DPP10: variants seen among roughly 807,000 people sequenced by gnomAD.
DPP10 encodes the protein dipeptidyl peptidase like 10.
DPP10 carries 33 observed loss-of-function variants against 120.9 expected under a neutral mutation model. The ratio of observed to expected loss-of-function variants is 0.27; its 90% CI spans 0.21 to 0.37. The LOEUF (loss-of-function observed/expected upper bound fraction) is 0.37, where lower values mean the gene tolerates loss of function less well. Among genes scored for constraint, DPP10 ranks in the 10% least tolerant of loss-of-function variants. The pLI is 1.00. For synonymous variants in DPP10, 337 were observed against 326.1 expected (o/e 1.03, Z -0.36); for missense variants, 816 against 942.8 (o/e 0.87, Z 1.76).
At chr2:114,508,613 A>G (rs530841318) in intron 1 of DPP10, among the ~76,000 whole-genome samples, 2 of 152,274 alleles carry the variant, frequency 1.3e-5, no homozygotes, top group South Asian at 4.1e-4. Context: ...CAGAAAAAGG[A>G]CACTGGGTTA....
At chr2:115,064,844 T>C (rs1314867801) in intron 1 of DPP10, 2 of 1,303,306 alleles carry the variant, frequency 1.5e-6, no homozygotes, top group Non-Finnish European at 2.0e-6. Flanking sequence ...GTCTTCTTTC[T>C]AGCAGGGTTT....
At chr2:115,727,285 T>C (rs1039358226) in intron 7 of DPP10, among the ~76,000 whole-genome samples, 1 of 152,138 alleles carries the variant, frequency 6.6e-6, no homozygotes, top group Non-Finnish European at 1.5e-5. Context: ...GTTCCACTTA[T>C]CAATTCAAAG....
intron 5 of DPP10, among the ~76,000 whole-genome samples, chr2:115,547,155 T>C (rs2079552753): frequency 6.6e-6 from 1 of 152,178 alleles, no homozygotes; most frequent in Admixed American, 6.5e-5. Flanking sequence ...CTCTGGGCTC[T>C]AAGCAAGACA....
chr2:114,959,138 A>G (rs950008294), intron 1 of DPP10, among the ~76,000 whole-genome samples: 20 of 152,234 alleles, frequency 1.3e-4, no homozygotes, highest in Middle Eastern at 3.4e-3. Context: ...AGCTCACTGC[A>G]ACCTCCACCT....
intron 7 of DPP10, among the ~76,000 whole-genome samples, chr2:115,706,699 A>G (rs2092122424): frequency 6.6e-6 from 1 of 152,026 alleles, no homozygotes; most frequent in Non-Finnish European, 1.5e-5. Context: ...CAGTCTAAAC[A>G]AAAACTTAAG....
chr2:114,914,435 G>T (rs773867247), intron 1 of DPP10, among the ~76,000 whole-genome samples: 3 of 152,206 alleles, frequency 2.0e-5, no homozygotes, highest in East Asian at 1.9e-4. Flanking sequence ...TCCCAAACAA[G>T]AATTTTTTTA....
intron 1 of DPP10, among the ~76,000 whole-genome samples, chr2:115,281,820 T>C: frequency 6.6e-6 from 1 of 152,154 alleles, no homozygotes; most frequent in Non-Finnish European, 1.5e-5. Context: ...CAGAAAACTA[T>C]TGCTGTGCTT....
chr2:115,684,184 T>A (rs2090839532), intron 5 of DPP10, among the ~76,000 whole-genome samples: 1 of 151,890 alleles, frequency 6.6e-6, no homozygotes, highest in South Asian at 2.1e-4. Flanking sequence ...AATACTTGTT[T>A]TTCGATGTTC....
chr2:115,257,327 A>T (rs1025210490), intron 1 of DPP10, among the ~76,000 whole-genome samples: 1 of 151,566 alleles, frequency 6.6e-6, no homozygotes, highest in Non-Finnish European at 1.5e-5. Context: ...AGATGGGGCA[A>T]TTTATAAAGA....
At chr2:114,961,818 A>G (rs995408019) in intron 1 of DPP10, among the ~76,000 whole-genome samples, 8 of 152,060 alleles carry the variant, frequency 5.3e-5, no homozygotes, top group African/African-American at 1.9e-4. Context: ...GCCGGGCATG[A>G]TGGCGAGCAC....
At chr2:115,543,963 C>T (rs1458006851) in intron 5 of DPP10, among the ~76,000 whole-genome samples, 1 of 151,090 alleles carries the variant, frequency 6.6e-6, no homozygotes, top group East Asian at 1.9e-4. Flanking sequence ...ATTGTAACTT[C>T]AAAGGGGACA....
At chr2:115,705,625 C>G (rs2092072988) in intron 7 of DPP10, among the ~76,000 whole-genome samples, 1 of 151,888 alleles carries the variant, frequency 6.6e-6, no homozygotes, top group Non-Finnish European at 1.5e-5. Context: ...GGAGTGAAGC[C>G]AAACAATTTA....
At chr2:114,903,565 A>T (rs959679795) in intron 1 of DPP10, among the ~76,000 whole-genome samples, 4 of 152,176 alleles carry the variant, frequency 2.6e-5, no homozygotes, top group African/African-American at 4.8e-5. Flanking sequence ...TGTCCTCAAT[A>T]TCTCTTCTTT....
chr2:114,782,047 A>G (rs1217629018), intron 1 of DPP10, among the ~76,000 whole-genome samples: 1 of 152,078 alleles, frequency 6.6e-6, no homozygotes, highest in Admixed American at 6.6e-5. Context: ...CCTGGGTATT[A>G]TCCTGACTAA....
intron 1 of DPP10, among the ~76,000 whole-genome samples, chr2:114,684,681 G>C (rs1200506271): frequency 6.6e-6 from 1 of 151,920 alleles, no homozygotes; most frequent in Non-Finnish European, 1.5e-5. Context: ...GGATGAGTCT[G>C]GTATGCTTCA....
At chr2:115,617,911 C>T (rs894561600) in intron 5 of DPP10, among the ~76,000 whole-genome samples, 2 of 152,084 alleles carry the variant, frequency 1.3e-5, no homozygotes, top group Non-Finnish European at 2.9e-5. Context: ...TAACAATATA[C>T]TGTAATAAAA....
chr2:114,486,417 T>C (rs1000330671), intron 1 of DPP10, among the ~76,000 whole-genome samples: 1 of 152,206 alleles, frequency 6.6e-6, no homozygotes, highest in East Asian at 1.9e-4. Context: ...AATAATTTTT[T>C]AATAATATTT....
chr2:115,250,222 A>G (rs556824294), intron 1 of DPP10, among the ~76,000 whole-genome samples: 1 of 152,242 alleles, frequency 6.6e-6, no homozygotes, highest in East Asian at 1.9e-4. Context: ...TTGTTTAATG[A>G]TTTTGTAAAA....
chr2:114,627,371 T>G (rs1205044999), intron 1 of DPP10, among the ~76,000 whole-genome samples: 1 of 152,162 alleles, frequency 6.6e-6, no homozygotes, highest in East Asian at 1.9e-4. Flanking sequence ...GCTGCTTTTA[T>G]CTTTCTCTTC....
Sources: allele counts gnomAD v4.1 joint callset (sites outside exome capture counted in the v4.1 genomes callset), GRCh38; gene constraint gnomAD v4.1.1; transcripts MANE v1.5; gene names NCBI Gene and HGNC (gene_info 2026-07-23, HGNC 2026-07-21).